Variants in GALNT18 observed in about 807,000 individuals in gnomAD.
GALNT18 encodes the protein polypeptide N-acetylgalactosaminyltransferase 18.
GALNT18 carries 44 observed loss-of-function variants against 69.5 expected under a neutral mutation model. The ratio of observed to expected loss-of-function variants is 0.63; its 90% confidence interval spans 0.50 to 0.81. The LOEUF (loss-of-function observed/expected upper bound fraction) is 0.81, where lower values mean the gene tolerates loss of function less well. Ranked by LOEUF, GALNT18 falls within the 40% of genes least tolerant of loss-of-function variation. The pLI is 0.00. For missense variants in GALNT18, 715 were observed against 810.0 expected (o/e 0.88, Z 1.42); for synonymous variants, 364 against 318.2 (o/e 1.14, Z -1.53).
chr11:11,507,373 T>A (rs1354475879), intron 1 of GALNT18, among the ~76,000 whole-genome samples: 4 of 152,192 alleles, frequency 2.6e-5, no homozygotes, highest in Admixed American at 2.6e-4. Flanking sequence ...AATTCTGAAC[T>A]GAGTCAGTCT....
chr11:11,589,581 T>C (rs1859304672), intron 1 of GALNT18, among the ~76,000 whole-genome samples: 1 of 133,362 alleles, frequency 7.5e-6, no homozygotes, highest in Non-Finnish European at 1.6e-5. Flanking sequence ...TCAGCAGTTT[T>C]AGGGGTTTTT....
chr11:11,403,869 C>T (rs1182510514), intron 3 of GALNT18, among the ~76,000 whole-genome samples: 1 of 152,220 alleles, frequency 6.6e-6, no homozygotes, highest in African/African-American at 2.4e-5. Flanking sequence ...GGTGAGGTTG[C>T]TCCTTGTCCT....
At chr11:11,311,911 T>C (rs1484823645) in intron 9 of GALNT18, among the ~76,000 whole-genome samples, 1 of 152,188 alleles carries the variant, frequency 6.6e-6, no homozygotes, top group Non-Finnish European at 1.5e-5. Flanking sequence ...TCCTGAACAA[T>C]GCAGGGGTTA....
intron 3 of GALNT18, among the ~76,000 whole-genome samples, chr11:11,392,605 G>A (rs1854221210): frequency 6.6e-6 from 1 of 152,084 alleles, no homozygotes; most frequent in Non-Finnish European, 1.5e-5. Flanking sequence ...GGCGACAAAA[G>A]CGAAACTCCT....
At chr11:11,607,361 G>A (rs1859781100) in intron 1 of GALNT18, among the ~76,000 whole-genome samples, 1 of 152,146 alleles carries the variant, frequency 6.6e-6, no homozygotes, top group South Asian at 2.1e-4. Context: ...TTTATTGCCT[G>A]GGAAGTTTCA....
rs1223555229 is a variant in GALNT18 at position 11,290,991 on chromosome 11, C to CAACA, written c.1677+2034_1677+2037dup. Among the ~76,000 whole-genome samples the CAACA allele has an allele frequency of 8.5e-5, 13 of 152,236 alleles. 1 individual carries two copies. The highest frequency in any genetic ancestry group is 2.9e-5 in the Non-Finnish European group (2 of 68,048). On this transcript the variant is annotated intron_variant, in intron 10 of 10. Transcript: ENST00000227756. ...TTTGCACCCAGCTCGACTTGAGAAA[C>CAACA]AACAGCCATCCTTCACTGGGCATAT...
Position 11,592,650 on chromosome 11 carries a change from C to T in GALNT18, c.235+28709G>A, listed in dbSNP as rs1345805925. Among the ~76,000 whole-genome samples the T allele has an allele frequency of 2.0e-5, 3 of 152,284 alleles. No homozygotes were observed. The highest frequency in any genetic ancestry group is 1.3e-4 in the Admixed American group (2 of 15,292). On this transcript the variant is annotated intron_variant, in intron 1 of 10. Coordinates refer to ENST00000227756, the MANE Select transcript of GALNT18 (RefSeq NM_198516.3). This position sits in a 1 kb window ranked among gnomAD's most constrained non-coding sequence, Gnocchi z 5.9. ...GAAAGATGGTGAGAAACAGTGGGAACATCCTTCATGTAAAAATCCCACCAC... is the reference window on the plus strand; with the variant it reads ...GAAAGATGGTGAGAAACAGTGGGAATATCCTTCATGTAAAAATCCCACCAC...
At position 11,444,849 on chromosome 11, in the gene GALNT18, CTG is replaced by C. The variant is rs1218215149; in HGVS notation, c.428+3893_428+3894del. ...AGGAACAGAAGTCCCGAAGAGCAAA[CTG>C]GAATTCACAAGAGGCACAGGGGCTC... is the stretch of plus-strand genomic sequence containing the variant. On this transcript the variant is annotated intron_variant, in intron 2 of 10. Transcript: ENST00000227756. This position sits in a 1 kb window ranked among gnomAD's most constrained non-coding sequence, Gnocchi z 4.4. Among the ~76,000 whole-genome samples the C allele has an allele frequency of 2.0e-5, 3 of 152,278 alleles. No individual in the cohort carries two copies. The highest frequency in any genetic ancestry group is 7.2e-5 in the African/African-American group (3 of 41,560).
intron 10 of GALNT18, among the ~76,000 whole-genome samples, chr11:11,284,675 TTTAA>T (rs1309721278): frequency 1.3e-5 from 2 of 152,212 alleles, no homozygotes; most frequent in East Asian, 1.9e-4. Context: ...CACTTTCTTT[TTTAA>T]TTAATTTTCC....
intron 1 of GALNT18, among the ~76,000 whole-genome samples, chr11:11,491,502 C>G (rs1856769411): frequency 6.6e-6 from 1 of 152,206 alleles, no homozygotes; most frequent in Admixed American, 6.5e-5. Context: ...CTCAAAGGAG[C>G]AAACTCCTGG....
At chr11:11,453,350 C>G (rs1291211132) in intron 1 of GALNT18, among the ~76,000 whole-genome samples, 1 of 152,182 alleles carries the variant, frequency 6.6e-6, no homozygotes, top group Admixed American at 6.5e-5. Flanking sequence ...CCCTGGTTTT[C>G]TCCTCTCCAG....
intron 1 of GALNT18, among the ~76,000 whole-genome samples, chr11:11,517,745 C>T (rs543467248): frequency 6.6e-6 from 1 of 152,228 alleles, no homozygotes; most frequent in African/African-American, 2.4e-5. Flanking sequence ...CCTTGCTGAG[C>T]CATCTAGGAC....
rs560246887 is a variant in GALNT18 at position 11,534,140 on chromosome 11, G to C, written c.236-85204C>G. Among the ~76,000 whole-genome samples the C allele has an allele frequency of 3.4e-4, 52 of 152,332 alleles. 1 individual carries two copies. Among genetic ancestry groups the C allele is most frequent in the African/African-American group, 1.2e-3 (50 of 41,582 alleles). On this transcript the variant is annotated intron_variant, in intron 1 of 10. Transcript: ENST00000227756. ...AGTGATGAAGCCAAGACTTGAACTA[G>C]GGCAACCAGACTTTGGTGTCCAGGC...
At position 11,421,939 on chromosome 11, in the gene GALNT18, G is replaced by A. The variant is rs543984639; in HGVS notation, c.595+10682C>T. Among the ~76,000 whole-genome samples, 82 of 152,342 alleles carry A rather than the reference G, an allele frequency of 5.4e-4. No individual in the cohort carries two copies. In the South Asian group the frequency reaches 0.012, roughly 22 times the overall value. On this transcript the variant is annotated intron_variant, in intron 3 of 10. Transcript: ENST00000227756. The surrounding 1 kb of genome is among the most constrained non-coding windows in gnomAD (Gnocchi z 5.6). ...TAGCCCCTACGTGCCCCTGGCCTGG[G>A]TGCCCTGGCATAGAATCATGCATGG...
chr11:11,522,052 A>G (rs2133929464), intron 1 of GALNT18, among the ~76,000 whole-genome samples: 1 of 152,262 alleles, frequency 6.6e-6, no homozygotes, highest in East Asian at 1.9e-4. Context: ...AAGACCCTAG[A>G]GCCATGTCAG....
intron 1 of GALNT18, among the ~76,000 whole-genome samples, chr11:11,548,218 C>T (rs1858107563): frequency 6.6e-6 from 1 of 152,208 alleles, no homozygotes; most frequent in African/African-American, 2.4e-5. Context: ...ATCTGCATCT[C>T]CAAAAGTTTG....
chr11:11,274,330 C>T (rs761115193), intron 10 of GALNT18, among the ~76,000 whole-genome samples: 3 of 152,146 alleles, frequency 2.0e-5, no homozygotes, highest in Non-Finnish European at 2.9e-5. Context: ...ACCAGGAATG[C>T]CAGTGTGACA....
Position 11,387,315 on chromosome 11 carries a change from C to A in GALNT18, c.596-8051G>T, listed in dbSNP as rs2133707145. Among the ~76,000 whole-genome samples, 1 of 152,216 alleles carries A rather than the reference C, an allele frequency of 6.6e-6. No homozygotes were observed. The highest frequency in any genetic ancestry group is 3.4e-3 in the Middle Eastern group (1 of 294). On this transcript the variant is annotated intron_variant, in intron 3 of 10. Coordinates refer to ENST00000227756, the MANE Select transcript of GALNT18 (RefSeq NM_198516.3). The surrounding 1 kb of genome is among the most constrained non-coding windows in gnomAD (Gnocchi z 4.6). The stretch of plus-strand genomic sequence containing the variant: ...TTTCCCAGCTGCCTTCTGCAGAGGC[C>A]ACGGCTTTTTGTCCCATTGTGGCCA...
intron 3 of GALNT18, among the ~76,000 whole-genome samples, chr11:11,418,006 G>T (rs551836096): frequency 8.5e-5 from 13 of 152,374 alleles, no homozygotes; most frequent in African/African-American, 3.1e-4. Flanking sequence ...CAGCCTGAAG[G>T]CGGGGTGTAT....
Sources: gnomAD v4.1 joint callset for allele counts (sites outside exome capture counted in the v4.1 genomes callset) on GRCh38, gnomAD v4.1.1 for gene constraint, Gnocchi (gnomAD v3.1) non-coding constraint, MANE v1.5 for transcripts, NCBI Gene and HGNC (gene_info 2026-07-23, HGNC 2026-07-21) for gene names.